Variants in KMT2D observed in about 807,000 individuals in gnomAD.
KMT2D encodes the protein histone-lysine N-methyltransferase 2D.
In KMT2D, 55 loss-of-function variants were observed where a neutral mutation model predicts 512.7. The observed-to-expected ratio is 0.11, with a 90% CI of 0.09 to 0.13. The LOEUF (loss-of-function observed/expected upper bound fraction) is 0.13, where lower values mean the gene tolerates loss of function less well. Among genes scored for constraint, KMT2D ranks in the 10% least tolerant of loss-of-function variants. The pLI, the probability that KMT2D is intolerant of heterozygous loss-of-function variation, is 1.00. For synonymous variants in KMT2D, 2,995 were observed against 2,904.0 expected (o/e 1.03, Z -1.01); for missense variants, 6,061 against 7,127.9 (o/e 0.85, Z 5.39).
Position 49,053,189 on chromosome 12 carries a change from G to A in KMT2D, c.954+18C>T, listed in dbSNP as rs1464283097. The A allele has an allele frequency of 6.2e-7, 1 of 1,610,784 alleles. No individual in the cohort carries two copies. Among genetic ancestry groups the A allele is most frequent in the Non-Finnish European group, 8.5e-7 (1 of 1,177,078 alleles). Reference sequence around the variant, plus strand: ...AGACACAGTTAGGGACAATAGGGCAGAATCAGGGTACACTCACCTTGCACT... The same window carrying A: ...AGACACAGTTAGGGACAATAGGGCAAAATCAGGGTACACTCACCTTGCACT... On this transcript the variant is annotated intron_variant, in intron 8 of 54. Coordinates refer to ENST00000301067, the MANE Select transcript of KMT2D (RefSeq NM_003482.4).
intron 12 of KMT2D, among the ~76,000 whole-genome samples, 194 bp from the exon 13 acceptor site, chr12:49,049,412 C>T (rs1486565045): frequency 6.6e-6 from 1 of 152,200 alleles, no homozygotes; most frequent in East Asian, 1.9e-4. Flanking sequence ...CCCATTCTTC[C>T]CCTCCCAAGA....
chr12:49,045,426 G>A (rs1293692910), intron 19 of KMT2D, among the ~76,000 whole-genome samples: 1 of 152,090 alleles, frequency 6.6e-6, no homozygotes, highest in African/African-American at 2.4e-5. Flanking sequence ...GGCAGATCAC[G>A]AGGTCCGGAG....
rs1938262542 is a variant in KMT2D at position 49,054,226 on chromosome 12, T to C, written c.510+81A>G. 68 of 1,535,076 alleles carry C rather than the reference T, an allele frequency of 4.4e-5. No individual in the cohort carries two copies. Among genetic ancestry groups the C allele is most frequent in the Non-Finnish European group, 5.7e-5 (65 of 1,133,164 alleles). On this transcript the variant is annotated intron_variant, in intron 5 of 54. Transcript: ENST00000301067. This position sits in a 1 kb window ranked among gnomAD's most constrained non-coding sequence, Gnocchi z 6.4. ...CACTAGCTCTGCCCCAGTATACCCA[T>C]GGTCCTTCTCATTCCAACCTGACTC...
chr12:49,051,240 G>C lies in KMT2D; in HGVS notation c.2443C>G (p.Leu815Val), dbSNP rs2120666144. The C allele has an allele frequency of 6.5e-7, 1 of 1,528,340 alleles. No individual in the cohort carries two copies. Among genetic ancestry groups the C allele is most frequent in the Non-Finnish European group, 8.8e-7 (1 of 1,134,782 alleles). 94.7% of individuals were successfully genotyped at this position (1,528,340 alleles called of 1,614,324 possible). ...HLSPQTEEPH[L>V]SPVPEEPCLS... ...CATGGCTCCTCAGGCACAGGAGACA[G>C]GTGCGGCTCCTCAGTCTGGGGGGAC... is the stretch of plus-strand genomic sequence containing the variant. The change falls in exon 11 of 55, where the codon CTG becomes GTG. Residue 815 changes from leucine (L) to valine (V), a missense_variant. Around this residue, in one of 16 missense-constraint regions of KMT2D, gnomAD observed 848 missense variants for 838.5 expected, o/e 1.01. Coordinates refer to ENST00000301067, the MANE Select transcript of KMT2D (RefSeq NM_003482.4).
In KMT2D at chr12:49,041,546, A is replaced by G. The variant is rs201931460; in HGVS notation, c.6235-11T>C. 1.9e-6 allele frequency: 3 copies of G among 1,612,884 alleles called. No individual in the cohort carries two copies. In the Admixed American group the frequency reaches 5.0e-5, roughly 27 times the overall value. On this transcript the variant is annotated splice_polypyrimidine_tract_variant and intron_variant, in intron 31 of 54. Coordinates refer to ENST00000301067, the MANE Select transcript of KMT2D (RefSeq NM_003482.4). This position sits in a 1 kb window ranked among gnomAD's most constrained non-coding sequence, Gnocchi z 5.4. ...CTGGCTCTCAGCCTGCTACAGGGGG[A>G]GACCAGGCATAGGGCAGTCAGGCTG...
rs2120612586 is a variant in KMT2D, at chr12:49,046,770, G to C, written c.4257C>G (p.Leu1419=). The change falls in exon 16 of 55, where the codon CTC becomes CTG. Residue 1419 remains leucine, a synonymous_variant. Transcript: ENST00000301067. The surrounding 1 kb of genome is among the most constrained non-coding windows in gnomAD (Gnocchi z 4.2). ...TACACTCCACACAACGCCAGCCCTT[G>C]AGCAGCATCACCTTGGTGATCTGGG... The part of the protein sequence containing the change: ...VNSKITKVML[L]KGWRCVECIV... 6.2e-7 allele frequency: 1 copy of C among 1,613,814 alleles called. No individual in the cohort carries two copies. The highest frequency in any genetic ancestry group is 8.5e-7 in the Non-Finnish European group (1 of 1,179,754).
Position 49,032,314 on chromosome 12 carries a change from G to A in KMT2D, c.12391C>T (p.Pro4131Ser), listed in dbSNP as rs759729424. Residue 4131 changes from proline to serine, a missense_variant, in exon 40 of 55, where the codon CCC becomes TCC. By Grantham distance (74) the Pro-to-Ser change is moderately conservative (BLOSUM62 -1). Around this residue, in one of 16 missense-constraint regions of KMT2D, gnomAD observed 1,600 missense variants for 1,754.9 expected, o/e 0.91. Transcript: ENST00000301067. ...SGSSSEASSV[P>S]HLLAQPSVSL... ...ACAGAGGGCTGAGCCAGCAGGTGGGGCACAGATGAGGCCTCAGAAGATGAT... is the reference window on the plus strand; with the variant it reads ...ACAGAGGGCTGAGCCAGCAGGTGGGACACAGATGAGGCCTCAGAAGATGAT... 1 of 1,613,854 alleles carries A rather than the reference G, an allele frequency of 6.2e-7. No homozygotes were observed. Among genetic ancestry groups the A allele is most frequent in the African/African-American group, 1.3e-5 (1 of 75,060 alleles).
chr12:49,037,710 C>T lies in KMT2D; in HGVS notation c.9646G>A (p.Glu3216Lys), dbSNP rs1288465936. ...CCAGGCAAGGTCAAAGCCCCACTCT[C>T]GAGCTCAAACTTTTCCAGCAGGGAG... ...GSSLLEKFEL[E>K]SGALTLPGGP... Residue 3216 changes from glutamate to lysine, a missense_variant, in exon 35 of 55, where the codon GAG (glutamate) becomes AAG (lysine). By Grantham distance (56) the Glu-to-Lys change is moderately conservative. Transcript: ENST00000301067. The T allele has an allele frequency of 1.2e-5, 19 of 1,586,106 alleles. No homozygotes were observed. Among genetic ancestry groups the T allele is most frequent in the South Asian group, 2.3e-5 (2 of 86,802 alleles).
chr12:49,024,661 G>A lies in KMT2D; in HGVS notation c.15969C>T (p.Arg5323=). 6.2e-7 allele frequency: 1 copy of A among 1,613,928 alleles called. No homozygotes were observed. Among genetic ancestry groups the A allele is most frequent in the South Asian group, 1.1e-5 (1 of 91,064 alleles). ...TGAGTGGCAGCTCCATAAGGGGGTG[G>A]CGCCCATAGCGGAATAAATAGTTTT... ...SCQNYLFRYG[R]HPLMELPLMI... is the part of the protein sequence containing the mutation. The change falls in exon 51 of 55, where the codon CGC becomes CGT. Residue 5323 remains arginine, a synonymous_variant. Transcript: ENST00000301067. The surrounding 1 kb of genome is among the most constrained non-coding windows in gnomAD (Gnocchi z 4.5).
chr12:49,048,855 T>C, intron 13 of KMT2D, 86 bp from the exon 14 acceptor site: 2 of 913,634 alleles, frequency 2.2e-6, no homozygotes. Context: ...GGGAAGAAAG[T>C]GTGAACCCTT....
chr12:49,045,805 C>T, intron 19 of KMT2D, 115 bp downstream of exon 19: 1 of 950,356 alleles, frequency 1.1e-6, no homozygotes, highest in Non-Finnish European at 1.7e-6. Context: ...CTTAACTTCT[C>T]TGGGTCTGAG....
In KMT2D at chr12:49,041,354, G is replaced by A. The variant is rs754730634; in HGVS notation, c.6416C>T (p.Ala2139Val). ...PTTPAGLSTSADGFLKPPAGS... is the reference protein window; with the variant it reads ...PTTPAGLSTSVDGFLKPPAGS... ...CGCCGGCGGCTTCAGGAACCCGTCC[G>A]CAGAGGTAGACAAGCCGGCGGGGGT... The change falls in exon 32 of 55, where the codon GCG becomes GTG. Residue 2139 changes from alanine (A) to valine (V), a missense_variant. Transcript: ENST00000301067. This position sits in a 1 kb window ranked among gnomAD's most constrained non-coding sequence, Gnocchi z 5.4. 95 of 1,574,282 alleles carry A rather than the reference G, an allele frequency of 6.0e-5. No individual in the cohort carries two copies. The highest frequency in any genetic ancestry group is 7.2e-5 in the Admixed American group (4 of 55,872).
In KMT2D at chr12:49,040,306, C is replaced by T. The variant is rs907068999; in HGVS notation, c.7464G>A (p.Ser2488=). The change falls in exon 32 of 55, where the codon TCG becomes TCA. Residue 2488 remains serine (S), a synonymous_variant. Transcript: ENST00000301067. ...AFKAGSLAHT[S]LGAGGFPAAL... ...CTGCTGGGAACCCCCCAGCCCCCAG[C>T]GAAGTGTGGGCTAGAGACCCAGCCT... 9 of 1,590,814 alleles carry T rather than the reference C, an allele frequency of 5.7e-6. No homozygotes were observed. The highest frequency in any genetic ancestry group is 2.2e-5 in the East Asian group (1 of 44,656).
Position 49,030,994 on chromosome 12 carries a change from G to A in KMT2D, c.13570C>T (p.Arg4524Trp), listed in dbSNP as rs778634045. 8.1e-6 allele frequency: 13 copies of A among 1,613,172 alleles called. No individual in the cohort carries two copies. Among genetic ancestry groups the A allele is most frequent in the Admixed American group, 5.0e-5 (3 of 59,992 alleles). The change falls in exon 41 of 55, where the codon CGG (arginine) becomes TGG (tryptophan). Residue 4524 changes from arginine to tryptophan, a missense_variant. This residue lies in a region of KMT2D where 1,600 missense variants were observed against 1,754.9 expected (regional missense o/e 0.91). Transcript: ENST00000301067. The stretch of plus-strand genomic sequence containing the variant: ...AACCTGTCGCTTGCCTTCTGTACCC[G>A]CTTGGGCTTCGGTGTCAAAGGCTTC... The part of the protein sequence containing the change: ...ARKPLTPKPK[R>W]VQKASDRLVS...
intron 15 of KMT2D, among the ~76,000 whole-genome samples, chr12:49,047,004 C>T (rs1943821000): frequency 1.3e-5 from 2 of 152,056 alleles, no homozygotes; most frequent in African/African-American, 2.4e-5. Flanking sequence ...TGCCACCACA[C>T]CTGGCTAATT....
At position 49,024,532 on chromosome 12, in the gene KMT2D, T is replaced by TCAACAC; in HGVS notation, c.16052+40_16052+45dup. 1 of 1,560,086 alleles carries TCAACAC rather than the reference T, an allele frequency of 6.4e-7. No individual in the cohort carries two copies. The highest frequency in any genetic ancestry group is 8.7e-7 in the Non-Finnish European group (1 of 1,152,242). Reference sequence around the variant, plus strand: ...TCATAATGGGACCAGAGGATCCCTGTCAACACCCACACCCACATCCCTTGG... The same window carrying TCAACAC: ...TCATAATGGGACCAGAGGATCCCTGTCAACACCAACACCCACACCCACATCCCTTGG... On this transcript the variant is annotated intron_variant, in intron 51 of 54. Coordinates refer to ENST00000301067, the MANE Select transcript of KMT2D (RefSeq NM_003482.4). This position sits in a 1 kb window ranked among gnomAD's most constrained non-coding sequence, Gnocchi z 4.5.
Position 49,027,935 on chromosome 12 carries a change from A to G in KMT2D, c.14516-5T>C, listed in dbSNP as rs1183662538. The G allele has an allele frequency of 6.2e-7, 1 of 1,613,824 alleles. No individual in the cohort carries two copies. The highest frequency in any genetic ancestry group is 8.5e-7 in the Non-Finnish European group (1 of 1,179,872). ...CCAGACCCTTTTCCTTCCCACCTGC[A>G]GAAAGGAGTGGATCAGAGCCTCCCA... On this transcript the variant is annotated splice_region_variant and splice_polypyrimidine_tract_variant and intron_variant, in intron 47 of 54. Transcript: ENST00000301067.
At position 49,030,411 on chromosome 12, in the gene KMT2D, G is replaced by T; in HGVS notation, c.13868C>A (p.Pro4623His). Residue 4623 changes from proline to histidine, a missense_variant, in exon 43 of 55, where the codon CCC becomes CAC. By Grantham distance (77) the Pro-to-His change is moderately conservative. Transcript: ENST00000301067. ...GGGTGGGGTGGGGGGCAGCGACGAG[G>T]GTGGTGTCGGCGGGTTACTCAGGTT... ...KNNLSNPPTP[P>H]SSLPPTPPPS... is the part of the protein sequence containing the mutation. 1 of 1,431,248 alleles carries T rather than the reference G, an allele frequency of 7.0e-7. No individual in the cohort carries two copies. The highest frequency in any genetic ancestry group is 9.4e-7 in the Non-Finnish European group (1 of 1,063,498). 88.7% of individuals were successfully genotyped at this position (1,431,248 alleles called of 1,614,324 possible).
Position 49,040,517 on chromosome 12 carries a change from T to C in KMT2D, c.7253A>G (p.Gln2418Arg). 6.3e-7 allele frequency: 1 copy of C among 1,597,538 alleles called. No homozygotes were observed. Among genetic ancestry groups the C allele is most frequent in the Non-Finnish European group, 8.5e-7 (1 of 1,170,106 alleles). ...TGTCAGTGGAGACTGGGAGCTGGAC[T>C]GGGACTGAGGACTGGCAGGCACTCG... The part of the protein sequence containing the change: ...FSRVPASPQS[Q>R]SSSQSPLTPR... The change falls in exon 32 of 55, where the codon CAG becomes CGG. Residue 2418 changes from glutamine to arginine, a missense_variant. Physicochemically the swap from Gln to Arg is conservative, Grantham distance 43. This residue lies in a region of KMT2D where 710 missense variants were observed against 647.3 expected (regional missense o/e 1.10). Coordinates refer to ENST00000301067, the MANE Select transcript of KMT2D (RefSeq NM_003482.4).
Sources: allele counts gnomAD v4.1 joint callset (sites outside exome capture counted in the v4.1 genomes callset), GRCh38; gene constraint gnomAD v4.1.1; regional missense constraint gnomAD v4.1.1; non-coding constraint Gnocchi (gnomAD v3.1); transcripts MANE v1.5; gene names NCBI Gene and HGNC (gene_info 2026-07-23, HGNC 2026-07-21).